VWA3B: variants seen among roughly 807,000 people sequenced by gnomAD.
VWA3B encodes von Willebrand factor A domain-containing protein 3B.
Under a neutral mutation model 158.3 loss-of-function variants are expected in VWA3B, and 138 were observed. The ratio of observed to expected loss-of-function variants is 0.87; its 90% confidence interval spans 0.76 to 1.00. VWA3B has a LOEUF of 1.00. VWA3B is among the 50% of genes least tolerant of loss of function. VWA3B has a pLI of 0.00. For missense variants in VWA3B, 1,555 were observed against 1,565.1 expected, an observed-to-expected ratio of 0.99 and a Z score of 0.11; for synonymous variants, 596 against 587.3, an observed-to-expected ratio of 1.01 and a Z score of -0.21.
chr2:98,317,288 G>A (rs1691107264), downstream of VWA3B, among the ~76,000 whole-genome samples: 1 of 152,026 alleles, frequency 6.6e-6, no homozygotes. Context: ...TATGAGGCTT[G>A]AAAAGTTTAT....
intron 8 of VWA3B, among the ~76,000 whole-genome samples, chr2:98,168,277 G>T (rs1285100010): frequency 3.9e-5 from 6 of 151,980 alleles, no homozygotes; most frequent in Admixed American, 6.6e-5. Flanking sequence ...TTAACAGAAG[G>T]TCTTGGATGT....
chr2:98,317,751 A>G (rs1422676856), downstream of VWA3B, among the ~76,000 whole-genome samples: 1 of 152,220 alleles, frequency 6.6e-6, no homozygotes, highest in Non-Finnish European at 1.5e-5. Context: ...TAAAATGTAT[A>G]AAATCAAGCT....
chr2:98,152,615 A>G (rs1677729484), intron 7 of VWA3B, among the ~76,000 whole-genome samples: 1 of 152,228 alleles, frequency 6.6e-6, no homozygotes, highest in Non-Finnish European at 1.5e-5. Context: ...TTGAAAATTT[A>G]CTTAAACTGA....
intron 7 of VWA3B, among the ~76,000 whole-genome samples, chr2:98,157,726 G>A (rs1049405779): frequency 3.3e-5 from 5 of 152,248 alleles, no homozygotes; most frequent in African/African-American, 1.2e-4. Context: ...CAGACTGCAA[G>A]CTCGCCACCT....
chr2:98,265,149 C>G (rs946908505), intron 21 of VWA3B, among the ~76,000 whole-genome samples: 1 of 151,058 alleles, frequency 6.6e-6, no homozygotes, highest in Non-Finnish European at 1.5e-5. Flanking sequence ...CCCACTAACT[C>G]ATCATCTAGC....
At position 98,234,731 on chromosome 2, in the gene VWA3B, A is replaced by C; in HGVS notation, c.2392A>C (p.Asn798His). The C allele has an allele frequency of 6.2e-7, 1 of 1,614,182 alleles. No individual in the cohort carries two copies. Among genetic ancestry groups the C allele is most frequent in the South Asian group, 1.1e-5 (1 of 91,080 alleles). The change falls in exon 17 of 28, where the codon AAT becomes CAT. Residue 798 changes from asparagine to histidine, a missense_variant. By Grantham distance (68) the Asn-to-His change is moderately conservative (BLOSUM62 1). Coordinates refer to ENST00000477737, the MANE Select transcript of VWA3B (RefSeq NM_144992.5). ...CAGTGAAAGGAAGGATGGCCTCTCC[A>C]ATGCCAGCAGCCGGAGGACTGCTCT... is the stretch of plus-strand genomic sequence containing the variant. ...ACSERKDGLS[N>H]ASSRRTALSD... is the part of the protein sequence containing the mutation.
Position 98,256,140 on chromosome 2 carries a change from G to A in VWA3B, c.2809G>A (p.Val937Ile). 6.2e-7 allele frequency: 1 copy of A among 1,612,418 alleles called. No individual in the cohort carries two copies. Among genetic ancestry groups the A allele is most frequent in the Non-Finnish European group, 8.5e-7 (1 of 1,179,608 alleles). ...QSYEKRLNKIVWRALSQEEKE... is the reference protein window; with the variant it reads ...QSYEKRLNKIIWRALSQEEKE... ...TTTTAACAGGCGCTTGAATAAAATT[G>A]TTTGGCGAGCATTATCTCAAGAGGA... The change falls in exon 21 of 28, where the codon GTT becomes ATT. Residue 937 changes from valine to isoleucine, a missense_variant. Physicochemically the swap from Val to Ile is conservative, Grantham distance 29. Transcript: ENST00000477737.
intron 22 of VWA3B, among the ~76,000 whole-genome samples, chr2:98,286,556 A>C (rs967669785): frequency 1.3e-5 from 2 of 152,148 alleles, no homozygotes; most frequent in Non-Finnish European, 2.9e-5. Context: ...AATATGGTAT[A>C]TTACATTAAT....
intron 2 of VWA3B, among the ~76,000 whole-genome samples, chr2:98,109,642 T>C (rs908098504): frequency 2.6e-5 from 4 of 152,300 alleles, no homozygotes; most frequent in South Asian, 2.1e-4. Context: ...TCTTTTGTTA[T>C]TTTCTTTCTG....
chr2:98,176,933 C>T lies in VWA3B; in HGVS notation c.1115-4083C>T, dbSNP rs192477009. Reference sequence around the variant, plus strand: ...GGTCTAGAGTTCCAGTTTATTCATACGCTGACAGCCCCCCTGAAAGGCATG... The same window carrying T: ...GGTCTAGAGTTCCAGTTTATTCATATGCTGACAGCCCCCCTGAAAGGCATG... On this transcript the variant is annotated intron_variant, in intron 8 of 27. Transcript: ENST00000477737. 7.0e-4 allele frequency among the ~76,000 whole-genome samples: 107 copies of T among 152,296 alleles called. 1 individual carries two copies. Among genetic ancestry groups the T allele is most frequent in the Non-Finnish European group, 1.1e-3 (76 of 68,032 alleles).
Position 98,128,724 on chromosome 2 carries a change from G to A in VWA3B, c.872+316G>A, listed in dbSNP as rs565433796. 5.6e-4 allele frequency among the ~76,000 whole-genome samples: 85 copies of A among 152,250 alleles called. No individual in the cohort carries two copies. The South Asian group carries it at 0.013, about 23-fold the overall frequency. On this transcript the variant is annotated intron_variant, in intron 6 of 27. Coordinates refer to ENST00000477737, the MANE Select transcript of VWA3B (RefSeq NM_144992.5). ...CACTTTCATATGCAAACCAACCAGAGCCCACACTGCCAATCCAGGCTCTCT... is the reference window on the plus strand; with the variant it reads ...CACTTTCATATGCAAACCAACCAGAACCCACACTGCCAATCCAGGCTCTCT...
chr2:98,296,465 G>A (rs931641813), intron 23 of VWA3B, among the ~76,000 whole-genome samples: 2 of 152,168 alleles, frequency 1.3e-5, no homozygotes, highest in Admixed American at 6.5e-5. Context: ...ATTTTAGTCC[G>A]ATCAGAAAAC....
the VWA3B span, among the ~76,000 whole-genome samples, chr2:98,329,166 A>T: frequency 6.6e-6 from 1 of 152,232 alleles, no homozygotes; most frequent in African/African-American, 2.4e-5. Flanking sequence ...AATAAATCAC[A>T]CCATAAATAA....
At chr2:98,254,974 T>C (rs201861555) in intron 20 of VWA3B, among the ~76,000 whole-genome samples, 1 of 152,098 alleles carries the variant, frequency 6.6e-6, no homozygotes, top group Admixed American at 6.5e-5. Flanking sequence ...AGCAGTAGCA[T>C]TCTCCTACCT....
At chr2:98,295,132 C>T (rs1479420826) in intron 23 of VWA3B, among the ~76,000 whole-genome samples, 1 of 152,044 alleles carries the variant, frequency 6.6e-6, no homozygotes, top group Non-Finnish European at 1.5e-5. Context: ...AGAAAGGAAA[C>T]CTCCGAGACT....
chr2:98,258,888 G>A lies in VWA3B; in HGVS notation c.2843+2714G>A, dbSNP rs191541319. ...CAACATTGAATAGCAGTGGTGAAAG[G>A]GGACGTTCTTGTCTTGTTCCTGATC... On this transcript the variant is annotated intron_variant, in intron 21 of 27. Coordinates refer to ENST00000477737, the MANE Select transcript of VWA3B (RefSeq NM_144992.5). 2.2e-4 allele frequency among the ~76,000 whole-genome samples: 34 copies of A among 151,804 alleles called. 1 individual carries two copies. The East Asian group carries it at 5.2e-3, about 23-fold the overall frequency.
chr2:98,229,909 A>G lies in VWA3B; in HGVS notation c.2151-141A>G, dbSNP rs1685209570. On this transcript the variant is annotated intron_variant, in intron 15 of 27. Transcript: ENST00000477737. The stretch of plus-strand genomic sequence containing the variant: ...CAGTCAGGGATAAATGACTATTTTT[A>G]TATTAACCCAGATGGGGGAAGGCTT... 8 of 922,510 alleles carry G rather than the reference A, an allele frequency of 8.7e-6. No homozygotes were observed. In the South Asian group the frequency reaches 1.5e-4, roughly 18 times the overall value. 57.1% of individuals were successfully genotyped at this position (922,510 alleles called of 1,614,324 possible).
chr2:98,245,850 T>C (rs1686358616), intron 19 of VWA3B, among the ~76,000 whole-genome samples: 1 of 152,176 alleles, frequency 6.6e-6, no homozygotes, highest in South Asian at 2.1e-4. Context: ...TATAGCTCTA[T>C]TTCGAGAGAT....
chr2:98,200,544 A>C (rs76086817), intron 12 of VWA3B, among the ~76,000 whole-genome samples: 5,683 of 75,572 alleles, frequency 0.075, 167 homozygotes, highest in Non-Finnish European at 0.12. Context: ...CTCCATCTCA[A>C]AAAAAAAAAA....
Sources: allele counts gnomAD v4.1 joint callset (sites outside exome capture counted in the v4.1 genomes callset), GRCh38; gene constraint gnomAD v4.1.1; transcripts MANE v1.5; gene names NCBI Gene and HGNC (gene_info 2026-07-23, HGNC 2026-07-21).